Variants in RUNDC3B observed in about 807,000 individuals in gnomAD.
RUNDC3B encodes the protein RUN domain containing 3B.
A neutral mutation model predicts 58.4 loss-of-function variants in RUNDC3B; 33 were observed. That is an observed-to-expected ratio of 0.56 (90% CI 0.43 to 0.75). The LOEUF (loss-of-function observed/expected upper bound fraction) is 0.75, where lower values mean the gene tolerates loss of function less well. RUNDC3B is among the 30% of genes least tolerant of loss of function. The pLI, the probability that RUNDC3B is intolerant of heterozygous loss-of-function variation, is 0.00. For synonymous variants in RUNDC3B, 193 were observed against 195.2 expected (o/e 0.99, Z 0.10); for missense variants, 501 against 535.7 (o/e 0.94, Z 0.64).
intron 4 of RUNDC3B, among the ~76,000 whole-genome samples, chr7:87,717,739 CTTG>C (rs1830644495): frequency 6.6e-6 from 1 of 151,972 alleles, no homozygotes; most frequent in Non-Finnish European, 1.5e-5. Flanking sequence ...TCAAGGAAGA[CTTG>C]TATCAAAATT....
intron 1 of RUNDC3B, among the ~76,000 whole-genome samples, chr7:87,647,162 C>T (rs1823088422): frequency 6.6e-6 from 1 of 152,160 alleles, no homozygotes; most frequent in African/African-American, 2.4e-5. Context: ...TATTTCATTA[C>T]ACAACAAGAA....
intron 2 of RUNDC3B, among the ~76,000 whole-genome samples, chr7:87,683,921 A>G (rs889494279): frequency 6.6e-6 from 1 of 152,238 alleles, no homozygotes; most frequent in Non-Finnish European, 1.5e-5. Flanking sequence ...AGTACACCTC[A>G]TGGACACAGA....
chr7:87,736,936 C>G (rs539209454), intron 4 of RUNDC3B, among the ~76,000 whole-genome samples: 9 of 110,918 alleles, frequency 8.1e-5, no homozygotes, highest in South Asian at 6.2e-4. Context: ...TTTGCTCTGT[C>G]ACCCAGGCTG....
At chr7:87,654,981 A>G (rs955861912) in intron 2 of RUNDC3B, among the ~76,000 whole-genome samples, 2 of 152,134 alleles carry the variant, frequency 1.3e-5, no homozygotes, top group African/African-American at 4.8e-5. Context: ...AATTAAAACC[A>G]TAGTGAGATA....
intron 2 of RUNDC3B, among the ~76,000 whole-genome samples, chr7:87,695,796 G>A (rs1208873898): frequency 6.6e-6 from 1 of 152,016 alleles, no homozygotes; most frequent in Non-Finnish European, 1.5e-5. Context: ...TTCTTAGAAG[G>A]TCTTATTCTG....
At position 87,680,727 on chromosome 7, in the gene RUNDC3B, G is replaced by A. The variant is rs543706704; in HGVS notation, c.239-19694G>A. 1.1e-4 allele frequency among the ~76,000 whole-genome samples: 17 copies of A among 150,266 alleles called. 3 individuals carry two copies. The highest frequency in any genetic ancestry group is 3.7e-4 in the African/African-American group (15 of 40,464). On this transcript the variant is annotated intron_variant, in intron 2 of 10. Transcript: ENST00000394654. Reference sequence around the variant, plus strand: ...GGAGAATCACTTGAACCTGGGAGGCGGAGGGTGCAGTGAGCCAAGATCGCG... The same window carrying A: ...GGAGAATCACTTGAACCTGGGAGGCAGAGGGTGCAGTGAGCCAAGATCGCG...
intron 1 of RUNDC3B, among the ~76,000 whole-genome samples, chr7:87,635,508 A>G (rs565712522): frequency 6.6e-6 from 1 of 152,340 alleles, no homozygotes; most frequent in Non-Finnish European, 1.5e-5. Context: ...TGCAGCTGTT[A>G]GAAATCTTAG....
intron 1 of RUNDC3B, among the ~76,000 whole-genome samples, chr7:87,637,042 C>G (rs1821844159): frequency 6.6e-6 from 1 of 152,174 alleles, no homozygotes; most frequent in Non-Finnish European, 1.5e-5. Context: ...CTCGTGAGCT[C>G]TTACTCACTA....
At chr7:87,776,050 T>G (rs1834602972) in intron 7 of RUNDC3B, among the ~76,000 whole-genome samples, 1 of 152,206 alleles carries the variant, frequency 6.6e-6, no homozygotes. Context: ...ATAACTCTTA[T>G]ACTAACATAA....
At chr7:87,703,731 C>T (rs531162024) in intron 3 of RUNDC3B, among the ~76,000 whole-genome samples, 1 of 151,780 alleles carries the variant, frequency 6.6e-6, no homozygotes, top group South Asian at 2.1e-4. Flanking sequence ...TAACAGATGT[C>T]TTTTTTGTCC....
chr7:87,709,040 G>A (rs1829847896), intron 3 of RUNDC3B, among the ~76,000 whole-genome samples: 1 of 151,902 alleles, frequency 6.6e-6, no homozygotes, highest in Admixed American at 6.6e-5. Flanking sequence ...ATCTTTATAA[G>A]TCTGTTTGTC....
At chr7:87,787,180 A>G (rs1231239061) in intron 8 of RUNDC3B, among the ~76,000 whole-genome samples, 1 of 152,188 alleles carries the variant, frequency 6.6e-6, no homozygotes, top group African/African-American at 2.4e-5. Flanking sequence ...ATCAGCTTTA[A>G]GAAATGCAGA....
At chr7:87,658,697 T>C (rs755778982) in intron 2 of RUNDC3B, among the ~76,000 whole-genome samples, 7 of 152,112 alleles carry the variant, frequency 4.6e-5, no homozygotes, top group Non-Finnish European at 1.0e-4. Context: ...TCAGAAACCA[T>C]GGAGGCCAGG....
chr7:87,667,098 G>A (rs950735265), intron 2 of RUNDC3B, among the ~76,000 whole-genome samples: 9 of 152,100 alleles, frequency 5.9e-5, no homozygotes, highest in Admixed American at 1.3e-4. Flanking sequence ...CCATTTTAGT[G>A]ATATTGATTC....
At chr7:87,651,698 C>T (rs1405732609) in intron 2 of RUNDC3B, among the ~76,000 whole-genome samples, 1 of 152,022 alleles carries the variant, frequency 6.6e-6, no homozygotes, top group Non-Finnish European at 1.5e-5. Flanking sequence ...GGTAACATAA[C>T]TTATGAGCAT....
At chr7:87,733,137 C>G (rs951039016) in intron 4 of RUNDC3B, among the ~76,000 whole-genome samples, 2 of 152,122 alleles carry the variant, frequency 1.3e-5, no homozygotes, top group African/African-American at 2.4e-5. Flanking sequence ...CAGGCGCCCC[C>G]CCATGCGTCT....
intron 10 of RUNDC3B, among the ~76,000 whole-genome samples, chr7:87,819,566 C>G (rs575410446): frequency 6.6e-6 from 1 of 152,104 alleles, no homozygotes; most frequent in Non-Finnish European, 1.5e-5. Context: ...CTCTCCACCC[C>G]AAATCAACAG....
chr7:87,820,994 C>G (rs1013542273), intron 10 of RUNDC3B, among the ~76,000 whole-genome samples: 2 of 149,768 alleles, frequency 1.3e-5, no homozygotes, highest in African/African-American at 2.5e-5. Flanking sequence ...CAGGGATGCC[C>G]TCTCTCACCA....
chr7:87,669,632 G>A (rs1019305584), intron 2 of RUNDC3B, among the ~76,000 whole-genome samples: 5 of 152,146 alleles, frequency 3.3e-5, no homozygotes, highest in Non-Finnish European at 7.3e-5. Context: ...TCTATATAGT[G>A]CTCCTTTCAA....
Sources: gnomAD v4.1 joint callset for allele counts (sites outside exome capture counted in the v4.1 genomes callset) on GRCh38, gnomAD v4.1.1 for gene constraint, MANE v1.5 for transcripts, NCBI Gene and HGNC (gene_info 2026-07-23, HGNC 2026-07-21) for gene names.